Variants in PARD3 observed in about 807,000 individuals in gnomAD.
PARD3 encodes par-3 family cell polarity regulator.
In PARD3, 75 loss-of-function variants were observed where a neutral mutation model predicts 155.4. That is an observed-to-expected ratio of 0.48 (90% confidence interval 0.40 to 0.58). PARD3 has a LOEUF of 0.58. Ranked by LOEUF, PARD3 falls within the 20% of genes least tolerant of loss-of-function variation. PARD3 has a pLI of 0.00. For synonymous variants in PARD3, 576 were observed against 610.5 expected (o/e 0.94, Z 0.83); for missense variants, 1,642 against 1,721.7 (o/e 0.95, Z 0.82).
intron 1 of PARD3, among the ~76,000 whole-genome samples, chr10:34,732,688 A>ACAAT (rs1203688882): frequency 1.3e-5 from 2 of 152,242 alleles, no homozygotes; most frequent in Admixed American, 6.5e-5. Context: ...ACAGAGCAAG[A>ACAAT]CAATCAATCA....
At chr10:34,570,739 ACT>A (rs1287985153) in intron 2 of PARD3, among the ~76,000 whole-genome samples, 1 of 152,202 alleles carries the variant, frequency 6.6e-6, no homozygotes, top group African/African-American at 2.4e-5. Context: ...TCACAAACAC[ACT>A]GTCAGACAGA....
At chr10:34,679,433 TAGAC>T (rs910744703) in intron 2 of PARD3, among the ~76,000 whole-genome samples, 2 of 152,214 alleles carry the variant, frequency 1.3e-5, no homozygotes, top group African/African-American at 4.8e-5. Flanking sequence ...CTTGCCAAAA[TAGAC>T]AGAGGGCTAT....
chr10:34,649,129 C>CT (rs1277240982), intron 2 of PARD3, among the ~76,000 whole-genome samples: 1 of 152,154 alleles, frequency 6.6e-6, no homozygotes, highest in African/African-American at 2.4e-5. Context: ...ACATGCATCG[C>CT]TTAACAGGGG....
At chr10:34,625,605 A>C (rs553248405) in intron 2 of PARD3, among the ~76,000 whole-genome samples, 10 of 152,330 alleles carry the variant, frequency 6.6e-5, no homozygotes, top group Non-Finnish European at 1.3e-4. Flanking sequence ...GAAGGGATTC[A>C]AAGTAAGATG....
chr10:34,434,786 C>T (rs2076108438), intron 5 of PARD3, among the ~76,000 whole-genome samples: 2 of 152,158 alleles, frequency 1.3e-5, no homozygotes, highest in South Asian at 4.1e-4. Context: ...AAAGAACACT[C>T]TAAATATCAA....
At chr10:34,314,652 A>C (rs972147059) in intron 20 of PARD3, among the ~76,000 whole-genome samples, 8 of 152,178 alleles carry the variant, frequency 5.3e-5, no homozygotes, top group Non-Finnish European at 8.8e-5. Context: ...CACCATGGCA[A>C]ATTTTCAGCT....
chr10:34,454,027 T>C (rs891102385), intron 4 of PARD3, among the ~76,000 whole-genome samples: 6 of 152,260 alleles, frequency 3.9e-5, no homozygotes, highest in Admixed American at 6.5e-5. Flanking sequence ...TATTGACTTA[T>C]GTATAATGTA....
intron 5 of PARD3, 77 bp from the exon 6 acceptor site, chr10:34,401,994 A>C: frequency 8.8e-7 from 1 of 1,132,682 alleles, no homozygotes; most frequent in Admixed American, 1.7e-5. Context: ...ACTGGATAAA[A>C]TGGAAGTCTA....
In PARD3 at chr10:34,569,697, G is replaced by A. The variant is rs146697537; in HGVS notation, c.223-52538C>T. ...CTGCCAAAGTGCTGGGATTACAGGC[G>A]TGAGCCACCGTGCCCGGCACCTACT... On this transcript the variant is annotated intron_variant, in intron 2 of 24. Coordinates refer to ENST00000374788, the MANE Select transcript of PARD3 (RefSeq NM_001184785.2). Among the ~76,000 whole-genome samples the A allele has an allele frequency of 3.3e-3, 496 of 152,172 alleles. 1 individual carries two copies. The highest frequency in any genetic ancestry group is 0.011 in the African/African-American group (471 of 41,508).
chr10:34,746,068 C>A (rs1835282689), intron 1 of PARD3, among the ~76,000 whole-genome samples: 1 of 152,222 alleles, frequency 6.6e-6, no homozygotes, highest in African/African-American at 2.4e-5. Context: ...CACCGCTGCA[C>A]TCCAGCCTGG....
At chr10:34,579,571 T>C (rs2087227194) in intron 2 of PARD3, among the ~76,000 whole-genome samples, 1 of 130,558 alleles carries the variant, frequency 7.7e-6, no homozygotes, top group African/African-American at 3.2e-5. Flanking sequence ...TGTGTGTGTG[T>C]GTGTGTGTGT....
chr10:34,552,526 G>T (rs867337724), intron 2 of PARD3, among the ~76,000 whole-genome samples: 14 of 152,176 alleles, frequency 9.2e-5, no homozygotes, highest in Admixed American at 6.5e-4. Flanking sequence ...TGGTCAACAT[G>T]GTGAAACACC....
intron 22 of PARD3, among the ~76,000 whole-genome samples, chr10:34,135,369 G>T (rs1177525211): frequency 6.6e-6 from 1 of 152,186 alleles, no homozygotes; most frequent in Admixed American, 6.5e-5. Flanking sequence ...CTGGGTTTTG[G>T]TTTTTGTTGT....
intron 2 of PARD3, among the ~76,000 whole-genome samples, chr10:34,600,608 C>G (rs1564398666): frequency 6.6e-6 from 1 of 152,128 alleles, no homozygotes; most frequent in Non-Finnish European, 1.5e-5. Context: ...GACCCAGATA[C>G]AGGCACTAAG....
intron 15 of PARD3, chr10:34,346,516 T>A (rs1837445934): frequency 2.8e-5 from 34 of 1,213,872 alleles, no homozygotes; most frequent in East Asian, 1.1e-4. Context: ...ACATGCACAC[T>A]CTCTCTCTCT....
At chr10:34,661,706 G>C (rs2093330218) in intron 2 of PARD3, among the ~76,000 whole-genome samples, 2 of 152,170 alleles carry the variant, frequency 1.3e-5, no homozygotes, top group Non-Finnish European at 2.9e-5. Flanking sequence ...CCTTCATCCA[G>C]ATTCAATGGT....
chr10:34,162,392 CCACT>C (rs551371398), intron 22 of PARD3, among the ~76,000 whole-genome samples: 1 of 152,178 alleles, frequency 6.6e-6, no homozygotes, highest in African/African-American at 2.4e-5. Context: ...AAATTCTATT[CCACT>C]CACTCTTCGA....
chr10:34,413,721 T>C (rs548380426), intron 5 of PARD3, among the ~76,000 whole-genome samples: 35 of 152,192 alleles, frequency 2.3e-4, no homozygotes, highest in African/African-American at 7.5e-4. Flanking sequence ...TCTCTATCAT[T>C]CTGAAAATCA....
intron 2 of PARD3, among the ~76,000 whole-genome samples, chr10:34,594,908 A>G (rs1381469860): frequency 6.6e-6 from 1 of 152,214 alleles, no homozygotes; most frequent in Admixed American, 6.5e-5. Flanking sequence ...CCAGTGTGGT[A>G]CATCTTGGCC....
Sources: allele counts gnomAD v4.1 joint callset (sites outside exome capture counted in the v4.1 genomes callset), GRCh38; gene constraint gnomAD v4.1.1; transcripts MANE v1.5; gene names NCBI Gene and HGNC (gene_info 2026-07-23, HGNC 2026-07-21).